DOCK10: variants seen among roughly 807,000 people sequenced by gnomAD.
DOCK10 encodes the protein dedicator of cytokinesis protein 10.
A neutral mutation model predicts 280.1 loss-of-function variants in DOCK10; 145 were observed. The ratio of observed to expected loss-of-function variants is 0.52; its 90% CI spans 0.45 to 0.59. The LOEUF (loss-of-function observed/expected upper bound fraction) is 0.59. Among genes scored for constraint, DOCK10 ranks in the 20% least tolerant of loss-of-function variants. The pLI, the probability that DOCK10 is intolerant of heterozygous loss-of-function variation, is 0.00. For missense variants in DOCK10, 2,368 were observed against 2,651.7 expected (o/e 0.89, Z 2.35); for synonymous variants, 915 against 942.2 (o/e 0.97, Z 0.53).
In DOCK10 at chr2:224,925,730, C is replaced by G. The variant is rs552040940; in HGVS notation, c.243+5819G>C. 3.3e-5 allele frequency among the ~76,000 whole-genome samples: 5 copies of G among 152,322 alleles called. No individual in the cohort carries two copies. The South Asian group carries it at 1.0e-3, about 32-fold the overall frequency. ...TACAGTCTTACCAGCTTTCAGACAT[C>G]AGAACTTTCTTATTTATGGTTTTGT... On this transcript the variant is annotated intron_variant, in intron 2 of 55. Transcript: ENST00000258390.
In DOCK10 at chr2:224,797,061, C is replaced by T. The variant is rs761132574; in HGVS notation, c.4730G>A (p.Arg1577Gln). The T allele has an allele frequency of 1.5e-5, 24 of 1,613,488 alleles. No individual in the cohort carries two copies. The highest frequency in any genetic ancestry group is 3.3e-5 in the Admixed American group (2 of 59,948). The change falls in exon 43 of 56, where the codon CGG (arginine) becomes CAG (glutamine). Residue 1577 changes from arginine to glutamine, a missense_variant. Physicochemically the swap from Arg to Gln is conservative, Grantham distance 43. Around this residue, in one of 2 missense-constraint regions of DOCK10, gnomAD observed 1,159 missense variants for 1,400.8 expected, o/e 0.83. Coordinates refer to ENST00000258390, the MANE Select transcript of DOCK10 (RefSeq NM_014689.3). ...EVLKCCNHRS[R>Q]STQTEASALL... ...GGCTGAGGCTTCTGTCTGAGTTGAC[C>T]GTGACCTGTGGTTACAGCATTTTAG...
At chr2:224,789,340 A>G (rs1490354230) in intron 47 of DOCK10, among the ~76,000 whole-genome samples, 170 bp from the exon 48 acceptor site, 1 of 152,220 alleles carries the variant, frequency 6.6e-6, no homozygotes, top group East Asian at 1.9e-4. Flanking sequence ...GGCAAACAAT[A>G]TTCCCCTTTT....
chr2:225,035,569 TATATA>T (rs1300927254), intron 1 of DOCK10, among the ~76,000 whole-genome samples: 1 of 52,202 alleles, frequency 1.9e-5, no homozygotes, highest in Non-Finnish European at 4.9e-5. Context: ...TATATATATA[TATATA>T]TATATATATA....
At chr2:224,938,769 C>G (rs1426126467) in intron 1 of DOCK10, among the ~76,000 whole-genome samples, 1 of 152,220 alleles carries the variant, frequency 6.6e-6, no homozygotes, top group Non-Finnish European at 1.5e-5. Flanking sequence ...AAAGTCCATA[C>G]AGCTGGATGC....
intron 4 of DOCK10, among the ~76,000 whole-genome samples, chr2:224,888,649 A>C (rs1244298863): frequency 6.6e-6 from 1 of 151,082 alleles, no homozygotes. Context: ...ATTTATGTGA[A>C]TATATGTGTG....
At chr2:224,948,551 T>C (rs1703555183) in intron 1 of DOCK10, among the ~76,000 whole-genome samples, 1 of 152,226 alleles carries the variant, frequency 6.6e-6, no homozygotes, top group South Asian at 2.1e-4. Flanking sequence ...TTTTTCCTTA[T>C]ATGGTGTGAT....
At chr2:225,029,420 C>T (rs562526523) in intron 1 of DOCK10, among the ~76,000 whole-genome samples, 2 of 152,314 alleles carry the variant, frequency 1.3e-5, no homozygotes, top group South Asian at 2.1e-4. Flanking sequence ...AATCCACCTG[C>T]CTCGGCCTCC....
At chr2:224,992,777 T>C (rs1317584098) in intron 1 of DOCK10, among the ~76,000 whole-genome samples, 3 of 152,218 alleles carry the variant, frequency 2.0e-5, no homozygotes, top group Admixed American at 6.5e-5. Flanking sequence ...AGTCTTGTCA[T>C]CTCTTTCTCT....
intron 2 of DOCK10, among the ~76,000 whole-genome samples, chr2:224,921,112 AATATAT>A (rs1201609470): frequency 1.8e-5 from 1 of 54,418 alleles, no homozygotes; most frequent in South Asian, 6.4e-4. Flanking sequence ...AAAAAAAAAA[AATATAT>A]ATATATATAT....
chr2:224,862,592 C>T (rs779490244), intron 14 of DOCK10, 72 bp downstream of exon 14: 3 of 1,258,888 alleles, frequency 2.4e-6, no homozygotes, highest in Middle Eastern at 1.9e-4. Context: ...AACACAAAAA[C>T]GTTCAAAACT....
intron 2 of DOCK10, among the ~76,000 whole-genome samples, chr2:224,921,112 A>AAAAAAAATATATATATATATAT: frequency 5.5e-5 from 3 of 54,430 alleles, no homozygotes; most frequent in East Asian, 4.0e-4. Context: ...AAAAAAAAAA[A>AAAAAAAATATATATATATATAT]ATATATATAT....
intron 1 of DOCK10, among the ~76,000 whole-genome samples, chr2:224,962,837 T>A (rs1320594244): frequency 6.6e-6 from 1 of 152,198 alleles, no homozygotes; most frequent in Non-Finnish European, 1.5e-5. Flanking sequence ...AATACTGAAT[T>A]AAAGTGAAAC....
At chr2:224,838,147 C>T (rs1271841328) in intron 24 of DOCK10, among the ~76,000 whole-genome samples, 2 of 152,086 alleles carry the variant, frequency 1.3e-5, no homozygotes, top group Non-Finnish European at 2.9e-5. Context: ...ATGGTCTGTG[C>T]GTTTTTGACA....
intron 1 of DOCK10, chr2:225,010,633 T>A (rs1689406994): frequency 6.5e-6 from 1 of 154,296 alleles, no homozygotes; most frequent in Non-Finnish European, 1.5e-5. Context: ...TTCAGGCACT[T>A]CATCTTTTGA....
chr2:224,997,532 G>A (rs1706309672), intron 1 of DOCK10, among the ~76,000 whole-genome samples: 2 of 152,076 alleles, frequency 1.3e-5, no homozygotes, highest in African/African-American at 4.8e-5. Context: ...GCGCCCGGCT[G>A]TCCTATTCTT....
chr2:224,882,591 C>A (rs544969187), intron 7 of DOCK10, among the ~76,000 whole-genome samples: 4 of 152,154 alleles, frequency 2.6e-5, no homozygotes, highest in African/African-American at 9.7e-5. Flanking sequence ...ATGAATCAAA[C>A]TGAAATGGCA....
At chr2:225,040,700 G>T (rs1216387712) in intron 1 of DOCK10, among the ~76,000 whole-genome samples, 1 of 152,108 alleles carries the variant, frequency 6.6e-6, no homozygotes, top group Non-Finnish European at 1.5e-5. Context: ...GTGAGATTCA[G>T]TCCAATGAGT....
At chr2:224,973,254 A>G (rs1705198046) in intron 1 of DOCK10, among the ~76,000 whole-genome samples, 1 of 152,216 alleles carries the variant, frequency 6.6e-6, no homozygotes, top group South Asian at 2.1e-4. Context: ...CAGCCCCTTA[A>G]CAACGTACAT....
At chr2:224,850,787 C>T (rs1056563387) in intron 18 of DOCK10, among the ~76,000 whole-genome samples, 2 of 152,150 alleles carry the variant, frequency 1.3e-5, no homozygotes, top group Non-Finnish European at 2.9e-5. Context: ...TGCACTCACA[C>T]ATGCTCTCTC....
Sources: allele counts gnomAD v4.1 joint callset (sites outside exome capture counted in the v4.1 genomes callset), GRCh38; gene constraint gnomAD v4.1.1; regional missense constraint gnomAD v4.1.1; transcripts MANE v1.5; gene names NCBI Gene and HGNC (gene_info 2026-07-23, HGNC 2026-07-21).